CCDC88C: variants seen among roughly 807,000 people sequenced by gnomAD.
The protein encoded by CCDC88C is protein Daple.
Under a neutral mutation model 198.8 loss-of-function variants are expected in CCDC88C, and 131 were observed. The observed-to-expected ratio is 0.66, with a 90% CI of 0.57 to 0.76. The LOEUF (loss-of-function observed/expected upper bound fraction) is 0.76. Ranked by LOEUF, CCDC88C falls within the 30% of genes least tolerant of loss-of-function variation. The probability of loss-of-function intolerance (pLI) is 0.00; values close to 1 mark genes in which losing one functional copy is unlikely to be tolerated. For synonymous variants in CCDC88C, 1,166 were observed against 1,114.7 expected (o/e 1.05, Z -0.92); for missense variants, 2,553 against 2,631.6 (o/e 0.97, Z 0.65).
chr14:91,409,636 T>C (rs906380035), intron 2 of CCDC88C, among the ~76,000 whole-genome samples: 3 of 151,430 alleles, frequency 2.0e-5, no homozygotes, highest in Admixed American at 6.6e-5. Context: ...TATAGGTGCA[T>C]GCCACCACGC....
chr14:91,297,370 C>T lies in CCDC88C; in HGVS notation c.3901G>A (p.Asp1301Asn), dbSNP rs755303091. The change falls in exon 22 of 30, where the codon GAC (aspartate) becomes AAC (asparagine). Residue 1301 changes from aspartate to asparagine, a missense_variant. Around this residue, in one of 2 missense-constraint regions of CCDC88C, gnomAD observed 1,293 missense variants for 1,219.6 expected, o/e 1.06. Transcript: ENST00000389857. ...LELNRWQARFDELKEQHQTMD... is the reference protein window; with the variant it reads ...LELNRWQARFNELKEQHQTMD... ...GTCTGGTGCTGCTCCTTCAGCTCGT[C>T]GAAGCGGGCCTGCCAGCGGTTGAGC... The T allele has an allele frequency of 1.6e-5, 26 of 1,613,602 alleles. 1 individual carries two copies. Among genetic ancestry groups the T allele is most frequent in the South Asian group, 5.5e-5 (5 of 90,944 alleles).
Position 91,338,225 on chromosome 14 carries a change from GCCAT to G in CCDC88C, c.892-66_892-63del. The G allele has an allele frequency of 1.3e-6, 2 of 1,578,094 alleles. No individual in the cohort carries two copies. Among genetic ancestry groups the G allele is most frequent in the Non-Finnish European group, 1.7e-6 (2 of 1,155,650 alleles). On this transcript the variant is annotated intron_variant, in intron 9 of 29. Transcript: ENST00000389857. This position sits in a 1 kb window ranked among gnomAD's most constrained non-coding sequence, Gnocchi z 4.8. ...GGCATCCTCTAGGAAGGGCAGAAAG[GCCAT>G]TGCCCTTCTGCATGGTGTCTCCACG...
At chr14:91,400,647 C>T (rs1460718049) in intron 3 of CCDC88C, among the ~76,000 whole-genome samples, 1 of 152,252 alleles carries the variant, frequency 6.6e-6, no homozygotes, top group African/African-American at 2.4e-5. Flanking sequence ...TCCACCCAGA[C>T]ATTGCAAACA....
chr14:91,331,517 T>C (rs1000162889), intron 10 of CCDC88C, among the ~76,000 whole-genome samples: 2 of 151,884 alleles, frequency 1.3e-5, no homozygotes, highest in African/African-American at 2.4e-5. Context: ...AGAGTGTGCA[T>C]GTGCACACGT....
chr14:91,330,957 G>A (rs1892799073), intron 10 of CCDC88C, among the ~76,000 whole-genome samples: 1 of 152,080 alleles, frequency 6.6e-6, no homozygotes, highest in Admixed American at 6.5e-5. Flanking sequence ...ATACTGAGGG[G>A]TGGGCCTGCG....
intron 12 of CCDC88C, 60 bp from the exon 13 acceptor site, chr14:91,321,364 C>A: frequency 6.6e-7 from 1 of 1,515,032 alleles, no homozygotes; most frequent in Non-Finnish European, 8.9e-7. Context: ...CACTCTCTGC[C>A]CCAAGCTCCG....
At chr14:91,405,882 G>C (rs902950891) in intron 3 of CCDC88C, among the ~76,000 whole-genome samples, 1 of 152,206 alleles carries the variant, frequency 6.6e-6, no homozygotes, top group Admixed American at 6.5e-5. Context: ...GGACTGAGAC[G>C]CAGTGACCAC....
chr14:91,334,425 C>T (rs1277296375), intron 10 of CCDC88C, among the ~76,000 whole-genome samples: 1 of 152,076 alleles, frequency 6.6e-6, no homozygotes, highest in Non-Finnish European at 1.5e-5. Context: ...TCTGGCATTT[C>T]CTTGTAGAGA....
At chr14:91,316,403 T>G (rs977327882) in intron 13 of CCDC88C, among the ~76,000 whole-genome samples, 5 of 151,928 alleles carry the variant, frequency 3.3e-5, no homozygotes, top group Admixed American at 2.0e-4. Flanking sequence ...CCCGCCTTGC[T>G]GAAATGCAGA....
intron 3 of CCDC88C, among the ~76,000 whole-genome samples, chr14:91,387,628 C>T (rs1221603781): frequency 1.3e-5 from 2 of 152,186 alleles, no homozygotes; most frequent in Non-Finnish European, 2.9e-5. Flanking sequence ...CAGGCCTCCT[C>T]CCGTCGCTCT....
chr14:91,324,397 G>A (rs555843200), intron 12 of CCDC88C, among the ~76,000 whole-genome samples: 1 of 152,358 alleles, frequency 6.6e-6, no homozygotes, highest in South Asian at 2.1e-4. Context: ...TGACGCCCTG[G>A]GTACATTTAT....
At chr14:91,399,930 G>A (rs1399876192) in intron 3 of CCDC88C, among the ~76,000 whole-genome samples, 1 of 151,218 alleles carries the variant, frequency 6.6e-6, no homozygotes, top group Non-Finnish European at 1.5e-5. Context: ...ATACCCGCAA[G>A]AGACGCCCCA....
At chr14:91,310,439 G>A (rs1374006701) in intron 15 of CCDC88C, among the ~76,000 whole-genome samples, 7 of 152,072 alleles carry the variant, frequency 4.6e-5, no homozygotes, top group African/African-American at 9.7e-5. Flanking sequence ...TAGAGACAGC[G>A]TCTTGCTTGG....
At chr14:91,292,305 G>A (rs893046953) in intron 23 of CCDC88C, among the ~76,000 whole-genome samples, 1 of 152,192 alleles carries the variant, frequency 6.6e-6, no homozygotes. Context: ...CCCGGAGCAG[G>A]CCCCAGGAAG....
rs528955887 is a variant in CCDC88C at position 91,307,044 on chromosome 14, C to T, written c.3189G>A (p.Glu1063=). The T allele has an allele frequency of 1.3e-5, 21 of 1,610,822 alleles. No homozygotes were observed. The African/African-American group carries it at 2.7e-4, about 20-fold the overall frequency. Residue 1063 remains glutamate, a synonymous_variant, in exon 18 of 30, where the codon GAG becomes GAA. Transcript: ENST00000389857. The stretch of plus-strand genomic sequence containing the variant: ...CCCAGGCCAGCCCACTCACATTCCG[C>T]TCCAGCTCGATGGCCCGGTCCTTCA... ...LRVKDRAIEL[E]RNNAALQAEK...
chr14:91,400,528 G>A (rs1886111560), intron 3 of CCDC88C, among the ~76,000 whole-genome samples: 2 of 152,206 alleles, frequency 1.3e-5, no homozygotes, highest in African/African-American at 2.4e-5. Flanking sequence ...CCACAGCCAG[G>A]CCCTGCCCCT....
chr14:91,398,836 A>G (rs1352993833), intron 3 of CCDC88C, among the ~76,000 whole-genome samples: 1 of 152,294 alleles, frequency 6.6e-6, no homozygotes, highest in East Asian at 1.9e-4. Flanking sequence ...AGCTACTGCC[A>G]GCAGCCTGCA....
chr14:91,286,071 T>G (rs915536924), intron 25 of CCDC88C, among the ~76,000 whole-genome samples: 1 of 152,170 alleles, frequency 6.6e-6, no homozygotes, highest in African/African-American at 2.4e-5. Context: ...CGCCAACAAT[T>G]TATTTCCTCA....
Position 91,381,399 on chromosome 14 carries a change from T to C in CCDC88C, c.271-21688A>G, listed in dbSNP as rs1425354434. Among the ~76,000 whole-genome samples, 3 of 152,164 alleles carry C rather than the reference T, an allele frequency of 2.0e-5. No homozygotes were observed. Among genetic ancestry groups the C allele is most frequent in the African/African-American group, 7.2e-5 (3 of 41,422 alleles). On this transcript the variant is annotated intron_variant, in intron 3 of 29. Coordinates refer to ENST00000389857, the MANE Select transcript of CCDC88C (RefSeq NM_001080414.4). The surrounding 1 kb of genome is among the most constrained non-coding windows in gnomAD (Gnocchi z 4.2). ...GTTTAGGATGTGATCTTCTCTATAT[T>C]CTCTATGCCCACGAAAGTTGCATCC...
Sources: gnomAD v4.1 joint callset for allele counts (sites outside exome capture counted in the v4.1 genomes callset) on GRCh38, gnomAD v4.1.1 for gene constraint, gnomAD v4.1.1 regional missense constraint, Gnocchi (gnomAD v3.1) non-coding constraint, MANE v1.5 for transcripts, NCBI Gene and HGNC (gene_info 2026-07-23, HGNC 2026-07-21) for gene names.